EXOC6B: variants seen among roughly 807,000 people sequenced by gnomAD.
EXOC6B encodes exocyst complex component 6B.
In EXOC6B, 54 loss-of-function variants were observed where a neutral mutation model predicts 113.5. The ratio of observed to expected loss-of-function variants is 0.48; its 90% confidence interval spans 0.38 to 0.60. The LOEUF (loss-of-function observed/expected upper bound fraction) is 0.60, where lower values mean the gene tolerates loss of function less well. EXOC6B is among the 20% of genes least tolerant of loss of function. The probability of loss-of-function intolerance (pLI) is 0.00; values close to 1 mark genes in which losing one functional copy is unlikely to be tolerated. For synonymous variants in EXOC6B, 357 were observed against 339.0 expected, an observed-to-expected ratio of 1.05 and a Z score of -0.58; for missense variants, 797 against 977.5, an observed-to-expected ratio of 0.82 and a Z score of 2.46.
intron 6 of EXOC6B, among the ~76,000 whole-genome samples, chr2:72,692,400 G>A (rs545808737): frequency 6.8e-6 from 1 of 147,138 alleles, no homozygotes; most frequent in African/African-American, 2.5e-5. Flanking sequence ...CGCCTAGGCT[G>A]GAGTGCAGTG....
At position 72,245,480 on chromosome 2, in the gene EXOC6B, G is replaced by A. The variant is rs183375786; in HGVS notation, c.2197-61293C>T. On this transcript the variant is annotated intron_variant, in intron 20 of 21. Coordinates refer to ENST00000272427, the MANE Select transcript of EXOC6B (RefSeq NM_015189.3). ...TCCATACAATGGGACATTATTCAAC[G>A]TTAAAAAGAAATGAGCTATCTAGCC... Among the ~76,000 whole-genome samples the A allele has an allele frequency of 3.9e-5, 6 of 152,230 alleles. No homozygotes were observed. In the South Asian group the frequency reaches 6.2e-4, roughly 16 times the overall value.
At chr2:72,338,910 C>CACACAT (rs70963125) in intron 19 of EXOC6B, among the ~76,000 whole-genome samples, 72,673 of 142,278 alleles carry the variant, frequency 0.51, 19,245 homozygotes, top group East Asian at 0.73. Flanking sequence ...TGGAAGAACA[C>CACACAT]ACACATACAC....
At chr2:72,658,295 A>G (rs1323869409) in intron 6 of EXOC6B, among the ~76,000 whole-genome samples, 1 of 148,098 alleles carries the variant, frequency 6.8e-6, no homozygotes, top group East Asian at 1.9e-4. Flanking sequence ...GTAAAAAAAA[A>G]AAAAAAAAAA....
chr2:72,210,857 C>T (rs370576070), intron 20 of EXOC6B, among the ~76,000 whole-genome samples: 6 of 152,186 alleles, frequency 3.9e-5, no homozygotes, highest in African/African-American at 1.2e-4. Flanking sequence ...AAAGGTCAGT[C>T]GGCTGTGGAC....
At chr2:72,398,222 A>C (rs1692879190) in intron 18 of EXOC6B, among the ~76,000 whole-genome samples, 1 of 152,212 alleles carries the variant, frequency 6.6e-6, no homozygotes, top group Admixed American at 6.5e-5. Flanking sequence ...AACAGCCTTG[A>C]GTTGAAACAT....
chr2:72,797,806 G>A (rs1414030711), intron 1 of EXOC6B, among the ~76,000 whole-genome samples: 1 of 151,388 alleles, frequency 6.6e-6, no homozygotes, highest in Admixed American at 6.6e-5. Flanking sequence ...GCGAGACTTC[G>A]TCTCAAAATT....
intron 6 of EXOC6B, among the ~76,000 whole-genome samples, chr2:72,696,136 A>G (rs1363584122): frequency 6.6e-6 from 1 of 152,182 alleles, no homozygotes; most frequent in East Asian, 1.9e-4. Flanking sequence ...TTCAAACTAT[A>G]CTATACTGGG....
intron 20 of EXOC6B, among the ~76,000 whole-genome samples, chr2:72,203,495 A>AT (rs1418401538): frequency 8.5e-5 from 13 of 152,156 alleles, no homozygotes; most frequent in African/African-American, 3.1e-4. Context: ...TACAAAGGGA[A>AT]TTTCACAGCT....
At chr2:72,555,118 G>A (rs980517729) in intron 8 of EXOC6B, among the ~76,000 whole-genome samples, 4 of 152,176 alleles carry the variant, frequency 2.6e-5, no homozygotes, top group Admixed American at 1.3e-4. Flanking sequence ...GTATTCCATG[G>A]TGTATATGTG....
chr2:72,707,973 T>C (rs915991390), intron 6 of EXOC6B, among the ~76,000 whole-genome samples: 4 of 152,060 alleles, frequency 2.6e-5, no homozygotes, highest in African/African-American at 9.7e-5. Context: ...ACAAACAACA[T>C]GCATGTGTTT....
intron 5 of EXOC6B, chr2:72,722,061 ATACT>A (rs1406545056): frequency 4.6e-5 from 7 of 152,130 alleles, no homozygotes; most frequent in East Asian, 3.9e-4. Flanking sequence ...AAAATTATAA[ATACT>A]TACACATATA....
At chr2:72,486,728 T>A (rs1387908709) in intron 16 of EXOC6B, among the ~76,000 whole-genome samples, 1 of 152,188 alleles carries the variant, frequency 6.6e-6, no homozygotes, top group Non-Finnish European at 1.5e-5. Flanking sequence ...CCTTTAACTG[T>A]GTATTCTATC....
At chr2:72,499,326 G>A (rs1700203209) in intron 12 of EXOC6B, among the ~76,000 whole-genome samples, 1 of 151,392 alleles carries the variant, frequency 6.6e-6, no homozygotes. Context: ...CACCTCCCAG[G>A]TTCAAGAAAT....
intron 8 of EXOC6B, among the ~76,000 whole-genome samples, chr2:72,537,307 T>C (rs1223543414): frequency 6.6e-6 from 1 of 151,998 alleles, no homozygotes; most frequent in Non-Finnish European, 1.5e-5. Flanking sequence ...CTAGAACAGT[T>C]AAAAACACAA....
At chr2:72,813,411 T>C (rs28581818) in intron 1 of EXOC6B, among the ~76,000 whole-genome samples, 9,932 of 152,194 alleles carry the variant, frequency 0.065, 1,097 homozygotes, top group African/African-American at 0.22. Flanking sequence ...AATAACAAAG[T>C]ATACCATCAA....
chr2:72,685,842 A>G (rs1677050765), intron 6 of EXOC6B, among the ~76,000 whole-genome samples: 1 of 152,224 alleles, frequency 6.6e-6, no homozygotes, highest in African/African-American at 2.4e-5. Context: ...TTTTTGAGAC[A>G]ATCAGGAACT....
At chr2:72,813,593 T>A (rs1399518675) in intron 1 of EXOC6B, among the ~76,000 whole-genome samples, 1 of 152,190 alleles carries the variant, frequency 6.6e-6, no homozygotes, top group Non-Finnish European at 1.5e-5. Flanking sequence ...AACAAAATAC[T>A]TGGCTAGCTG....
chr2:72,444,429 C>A (rs1696437760), intron 18 of EXOC6B, among the ~76,000 whole-genome samples: 1 of 152,156 alleles, frequency 6.6e-6, no homozygotes, highest in African/African-American at 2.4e-5. Flanking sequence ...GGATGATGGC[C>A]CTCCTCTCAC....
intron 17 of EXOC6B, among the ~76,000 whole-genome samples, chr2:72,474,046 C>A (rs1430664749): frequency 6.6e-6 from 1 of 151,246 alleles, no homozygotes; most frequent in Non-Finnish European, 1.5e-5. Context: ...GTTTGCCCAA[C>A]ATGTTTTTTT....
Sources: gnomAD v4.1 joint callset for allele counts (sites outside exome capture counted in the v4.1 genomes callset) on GRCh38, gnomAD v4.1.1 for gene constraint, MANE v1.5 for transcripts, NCBI Gene and HGNC (gene_info 2026-07-23, HGNC 2026-07-21) for gene names.